The following USP22 variants were observed in gnomAD, a reference collection of about 807,000 sequenced individuals.
The protein encoded by USP22 is ubiquitin specific peptidase 22, also known as ubiquitin carboxyl-terminal hydrolase 22.
USP22 carries 22 observed loss-of-function variants against 68.1 expected under a neutral mutation model. That is an observed-to-expected ratio of 0.32 (90% CI 0.23 to 0.46). USP22 has a LOEUF of 0.46. USP22 is among the 20% of genes least tolerant of loss of function. USP22 has a pLI of 1.00. For synonymous variants in USP22, 279 were observed against 274.2 expected (o/e 1.02, Z -0.17); for missense variants, 433 against 695.8 (o/e 0.62, Z 4.25).
Position 21,004,954 on chromosome 17 carries a change from G to A in USP22, c.1359C>T (p.Pro453=). ...ESRMNGQYQQ[P]TDSLNNDNKY... ...TGTTGTCATTGTTGAGACTGTCCGT[G>A]GGCTGCTGGTACTGTCCATTCATCC... is the stretch of plus-strand genomic sequence containing the variant. The change falls in exon 11 of 13, where the codon CCC becomes CCT. Residue 453 remains proline (P), a synonymous_variant. Transcript: ENST00000261497. 6.2e-7 allele frequency: 1 copy of A among 1,614,208 alleles called. No homozygotes were observed. The highest frequency in any genetic ancestry group is 8.5e-7 in the Non-Finnish European group (1 of 1,180,050).
chr17:21,029,481 T>C (rs1972262897), intron 1 of USP22, among the ~76,000 whole-genome samples: 2 of 152,358 alleles, frequency 1.3e-5, no homozygotes, highest in East Asian at 1.9e-4. Context: ...GAATTCCATC[T>C]AATAAATATC....
chr17:21,039,096 C>T (rs1286439248), intron 1 of USP22, among the ~76,000 whole-genome samples: 3 of 151,944 alleles, frequency 2.0e-5, no homozygotes, highest in African/African-American at 4.8e-5. Context: ...GGATTACAGG[C>T]GCGTGCCACC....
rs1377799630 is a variant in USP22, at chr17:21,036,527, G to GT, written c.171+6137_171+6138insA. Among the ~76,000 whole-genome samples, 2 of 140,514 alleles carry GT rather than the reference G, an allele frequency of 1.4e-5. 1 individual carries two copies. Among genetic ancestry groups the GT allele is most frequent in the East Asian group, 4.8e-4 (2 of 4,210 alleles). The allele number at this position is 140,514 out of a possible 152,430, so 92.2% of individuals were successfully genotyped here. On this transcript the variant is annotated intron_variant, in intron 1 of 12. Coordinates refer to ENST00000261497, the MANE Select transcript of USP22 (RefSeq NM_015276.2). ...ACTGAGCACTGTACTGTAAGGGGGG[G>GT]GGGGGTCAAGTCATTTCCCAAGGGA...
chr17:21,041,773 C>T (rs971396665), intron 1 of USP22, among the ~76,000 whole-genome samples: 6 of 152,340 alleles, frequency 3.9e-5, no homozygotes, highest in Non-Finnish European at 8.8e-5. Flanking sequence ...ACTTTATTCA[C>T]ATAGAAGAAT....
At chr17:21,003,840 C>T (rs922538155) in intron 12 of USP22, among the ~76,000 whole-genome samples, 1 of 147,198 alleles carries the variant, frequency 6.8e-6, no homozygotes, top group Admixed American at 7.0e-5. Context: ...GCAGAGGGTG[C>T]AGTGAGCTGA....
chr17:21,019,802 T>C (rs985591299), intron 3 of USP22, among the ~76,000 whole-genome samples: 13 of 152,388 alleles, frequency 8.5e-5, no homozygotes, highest in Middle Eastern at 3.4e-3. Context: ...GCATGTTGGA[T>C]AGACAGAATT....
In USP22 at chr17:21,028,521, C is replaced by T. The variant is rs769168433; in HGVS notation, c.304+21G>A. On this transcript the variant is annotated intron_variant, in intron 2 of 12. Transcript: ENST00000261497. The stretch of plus-strand genomic sequence containing the variant: ...AATTTGGGGGCCACAACTATCCCCC[C>T]ATCCCAGAAGCTCGCCTCACCCAGG... 6.6e-5 allele frequency: 106 copies of T among 1,612,538 alleles called. 3 individuals carry two copies. The South Asian group carries it at 1.1e-3, about 16-fold the overall frequency.
At chr17:21,034,681 G>A (rs566095335) in intron 1 of USP22, among the ~76,000 whole-genome samples, 3 of 152,020 alleles carry the variant, frequency 2.0e-5, no homozygotes, top group Admixed American at 6.6e-5. Flanking sequence ...ATCAACTGTT[G>A]CGGATGTGAT....
intron 12 of USP22, among the ~76,000 whole-genome samples, 167 bp from the exon 13 acceptor site, chr17:21,003,240 T>C (rs1390351347): frequency 6.6e-6 from 1 of 152,110 alleles, no homozygotes; most frequent in Non-Finnish European, 1.5e-5. Context: ...AGTGCTTCAC[T>C]GGCTGGTGGC....
chr17:21,040,821 G>A (rs1473064144), intron 1 of USP22, among the ~76,000 whole-genome samples: 1 of 151,888 alleles, frequency 6.6e-6, no homozygotes, highest in South Asian at 2.1e-4. Context: ...GTCCCAATCC[G>A]GACACTACTG....
At chr17:21,018,370 G>A (rs528308534) in intron 4 of USP22, 41 of 348,518 alleles carry the variant, frequency 1.2e-4, no homozygotes, top group Middle Eastern at 1.6e-3. Flanking sequence ...TAGTTTCTAC[G>A]ACAACAGGCC....
chr17:21,042,191 C>T (rs1972442633), intron 1 of USP22: 1 of 153,884 alleles, frequency 6.5e-6, no homozygotes, highest in East Asian at 1.9e-4. Flanking sequence ...CCCGAACCCT[C>T]CAGAACCAGG....
At chr17:21,021,011 G>A in intron 3 of USP22, 102 bp downstream of exon 3, 1 of 907,846 alleles carries the variant, frequency 1.1e-6, no homozygotes, top group South Asian at 1.5e-5. Flanking sequence ...CCACCAGCCT[G>A]CCACTTCCCA....
At chr17:21,005,054 T>TCGTGAAACCAA in intron 10 of USP22, 64 bp from the exon 11 acceptor site, 3 of 1,575,002 alleles carry the variant, frequency 1.9e-6, no homozygotes, top group Non-Finnish European at 2.6e-6. Flanking sequence ...CACAAGGCTC[T>TCGTGAAACCAA]CGTGAAACCA....
At chr17:21,012,267 CAAA>C (rs1399203105) in intron 7 of USP22, among the ~76,000 whole-genome samples, 1 of 151,752 alleles carries the variant, frequency 6.6e-6, no homozygotes. Flanking sequence ...CTGAAAAAAA[CAAA>C]AACAAAAACA....
At chr17:21,042,543 G>A (rs1443900786) in intron 1 of USP22, 122 bp downstream of exon 1, 2 of 965,344 alleles carry the variant, frequency 2.1e-6, no homozygotes, top group Non-Finnish European at 2.7e-6. Context: ...GAGAGAGGAA[G>A]AGGAAGGACA....
intron 2 of USP22, 92 bp downstream of exon 2, chr17:21,028,450 G>A: frequency 3.2e-6 from 5 of 1,552,610 alleles, no homozygotes; most frequent in South Asian, 2.4e-5. Flanking sequence ...CGACAAAGTG[G>A]ACTTTTGGAA....
intron 1 of USP22, among the ~76,000 whole-genome samples, chr17:21,036,523 G>GGC (rs1972359517): frequency 1.4e-5 from 2 of 143,946 alleles, no homozygotes; most frequent in South Asian, 2.5e-4. Flanking sequence ...TACTGTAAGG[G>GGC]GGGGGGGGGT....
At chr17:21,017,909 A>G in intron 5 of USP22, 33 bp downstream of exon 5, 2 of 1,605,788 alleles carry the variant, frequency 1.2e-6, no homozygotes, top group East Asian at 4.5e-5. Flanking sequence ...AAAGTAACAG[A>G]AATGTTCCCC....
Sources: gnomAD v4.1 joint callset for allele counts (sites outside exome capture counted in the v4.1 genomes callset) on GRCh38, gnomAD v4.1.1 for gene constraint, MANE v1.5 for transcripts, NCBI Gene and HGNC (gene_info 2026-07-23, HGNC 2026-07-21) for gene names.